RBFOX1: variants seen among roughly 807,000 people sequenced by gnomAD.
RBFOX1 encodes RNA binding fox-1 homolog 1, also known as RNA binding protein fox-1 homolog 1.
A neutral mutation model predicts 57.7 loss-of-function variants in RBFOX1; 8 were observed. The observed-to-expected ratio is 0.14, with a 90% CI of 0.08 to 0.25. The LOEUF (loss-of-function observed/expected upper bound fraction) is 0.25. RBFOX1 is among the 10% of genes least tolerant of loss of function. The pLI, the probability that RBFOX1 is intolerant of heterozygous loss-of-function variation, is 1.00. For missense variants in RBFOX1, 611 were observed against 548.5 expected (o/e 1.11, Z -1.14); for synonymous variants, 326 against 222.4 (o/e 1.47, Z -4.15).
intron 1 of RBFOX1, among the ~76,000 whole-genome samples, chr16:6,267,743 G>T (rs892239887): frequency 2.6e-5 from 4 of 152,072 alleles, no homozygotes; most frequent in African/African-American, 9.7e-5. Flanking sequence ...CTGAATTCGG[G>T]TACAAGTCGC....
intron 1 of RBFOX1, among the ~76,000 whole-genome samples, chr16:6,099,311 G>T (rs1597299375): frequency 6.6e-6 from 1 of 152,272 alleles, no homozygotes; most frequent in East Asian, 1.9e-4. Context: ...ATTTCATGAT[G>T]ACGTCAGTAA....
At chr16:5,959,601 C>T (rs1186712000) in intron 4 of RBFOX1, among the ~76,000 whole-genome samples, 2 of 152,076 alleles carry the variant, frequency 1.3e-5, no homozygotes, top group Non-Finnish European at 2.9e-5. Context: ...ACATGGTAAG[C>T]CCAAAGCAAA....
intron 4 of RBFOX1, among the ~76,000 whole-genome samples, chr16:5,891,758 G>T (rs755332221): frequency 8.5e-5 from 13 of 152,174 alleles, no homozygotes; most frequent in Admixed American, 1.3e-4. Context: ...AGTTCCTGGG[G>T]CAGAGCTGGG....
chr16:7,500,590 A>G (rs888595403), intron 4 of RBFOX1, among the ~76,000 whole-genome samples: 2 of 152,194 alleles, frequency 1.3e-5, no homozygotes, highest in Admixed American at 6.5e-5. Context: ...AGTTTGATGC[A>G]TTGGAAATAC....
At chr16:6,398,147 C>T (rs2092916864) in intron 2 of RBFOX1, among the ~76,000 whole-genome samples, 1 of 152,100 alleles carries the variant, frequency 6.6e-6, no homozygotes, top group Non-Finnish European at 1.5e-5. Flanking sequence ...CCTTAGAAAA[C>T]CATCAGATCT....
intron 4 of RBFOX1, among the ~76,000 whole-genome samples, chr16:7,250,608 C>G (rs1463380796): frequency 6.6e-6 from 1 of 152,216 alleles, no homozygotes; most frequent in East Asian, 1.9e-4. Flanking sequence ...GGGATCATAA[C>G]TATGTACACA....
intron 4 of RBFOX1, among the ~76,000 whole-genome samples, chr16:5,944,922 C>T (rs369255320): frequency 3.3e-4 from 46 of 140,256 alleles, no homozygotes; most frequent in South Asian, 1.7e-3. Flanking sequence ...GCTGAGTTTG[C>T]GCCACTGCAC....
intron 4 of RBFOX1, among the ~76,000 whole-genome samples, chr16:7,095,492 T>A (rs571645006): frequency 6.6e-6 from 1 of 152,334 alleles, no homozygotes; most frequent in East Asian, 1.9e-4. Flanking sequence ...GCTTAATTTT[T>A]ATCTGTGATG....
intron 3 of RBFOX1, among the ~76,000 whole-genome samples, chr16:7,018,950 C>G (rs762429343): frequency 9.9e-5 from 15 of 152,058 alleles, no homozygotes; most frequent in Non-Finnish European, 1.5e-4. Context: ...GAGACCTCGT[C>G]TCTACAAAAA....
At chr16:6,175,973 G>T (rs2097003619) in intron 1 of RBFOX1, among the ~76,000 whole-genome samples, 1 of 152,086 alleles carries the variant, frequency 6.6e-6, no homozygotes, top group African/African-American at 2.4e-5. Context: ...TAACTTCAAA[G>T]GTTTGGAGAT....
At chr16:5,917,040 C>G (rs1419294639) in intron 4 of RBFOX1, among the ~76,000 whole-genome samples, 1 of 152,098 alleles carries the variant, frequency 6.6e-6, no homozygotes, top group Admixed American at 6.5e-5. Context: ...TCCACTGAGT[C>G]GCCCTTTCTC....
chr16:7,254,745 A>G (rs901382003), intron 4 of RBFOX1, among the ~76,000 whole-genome samples: 3 of 152,150 alleles, frequency 2.0e-5, no homozygotes, highest in African/African-American at 4.8e-5. Flanking sequence ...AATTATAGGC[A>G]TTACGTCTCT....
rs554478011 is a variant in RBFOX1 at position 6,282,461 on chromosome 16, C to T, written c.-126-34534C>T. Among the ~76,000 whole-genome samples, 199 of 150,122 alleles carry T rather than the reference C, an allele frequency of 1.3e-3. 1 individual carries two copies. The highest frequency in any genetic ancestry group is 4.3e-3 in the African/African-American group (176 of 40,700). On this transcript the variant is annotated intron_variant, in intron 1 of 15. Coordinates refer to ENST00000550418, the MANE Select transcript of RBFOX1 (RefSeq NM_018723.4). ...GATAAACATGTGCCATGGTGGTTTGCTGCACCTGTCAACCTGTCATCTAGG... is the reference window on the plus strand; with the variant it reads ...GATAAACATGTGCCATGGTGGTTTGTTGCACCTGTCAACCTGTCATCTAGG...
chr16:6,980,989 G>T (rs972269543), intron 3 of RBFOX1, among the ~76,000 whole-genome samples: 1 of 129,250 alleles, frequency 7.7e-6, no homozygotes, highest in Non-Finnish European at 1.5e-5. Context: ...GTTGCAGTCT[G>T]CCGAGATCAC....
chr16:7,079,097 C>T (rs747141282), intron 4 of RBFOX1, among the ~76,000 whole-genome samples: 3 of 151,798 alleles, frequency 2.0e-5, no homozygotes, highest in East Asian at 1.9e-4. Flanking sequence ...TGTATCTATC[C>T]CATATGGTGT....
chr16:6,708,597 A>G (rs542977592), intron 3 of RBFOX1, among the ~76,000 whole-genome samples: 1 of 152,352 alleles, frequency 6.6e-6, no homozygotes, highest in South Asian at 2.1e-4. Context: ...GAAGGGAAAT[A>G]GAACACCTTT....
intron 2 of RBFOX1, among the ~76,000 whole-genome samples, chr16:6,365,573 G>C: frequency 6.6e-6 from 1 of 152,134 alleles, no homozygotes; most frequent in South Asian, 2.1e-4. Context: ...CTCTGGGGAG[G>C]GGCACTGGGG....
chr16:6,427,443 T>C (rs565514045), intron 2 of RBFOX1, among the ~76,000 whole-genome samples: 1 of 152,316 alleles, frequency 6.6e-6, no homozygotes, highest in Non-Finnish European at 1.5e-5. Context: ...ATTTGGAATA[T>C]TTTATGCAAT....
chr16:7,127,766 G>T (rs767651530), intron 4 of RBFOX1, among the ~76,000 whole-genome samples: 1 of 152,198 alleles, frequency 6.6e-6, no homozygotes, highest in African/African-American at 2.4e-5. Flanking sequence ...TCATAGCCCC[G>T]TGGAGGCAGG....
Sources: gnomAD v4.1 joint callset for allele counts (sites outside exome capture counted in the v4.1 genomes callset) on GRCh38, gnomAD v4.1.1 for gene constraint, MANE v1.5 for transcripts, NCBI Gene and HGNC (gene_info 2026-07-23, HGNC 2026-07-21) for gene names.